Variants in ADAMTSL1 observed in about 807,000 individuals in gnomAD.
ADAMTSL1 encodes ADAMTS like 1.
ADAMTSL1 carries 126 observed loss-of-function variants against 201.8 expected under a neutral mutation model. That is an observed-to-expected ratio of 0.62 (90% confidence interval 0.54 to 0.72). The LOEUF is 0.72. Among genes scored for constraint, ADAMTSL1 ranks in the 30% least tolerant of loss-of-function variants. The probability of loss-of-function intolerance (pLI) is 0.00; values close to 1 mark genes in which losing one functional copy is unlikely to be tolerated. For missense variants in ADAMTSL1, 2,679 were observed against 2,277.8 expected (o/e 1.18, Z -3.59); for synonymous variants, 1,121 against 903.4 (o/e 1.24, Z -4.32).
intron 2 of ADAMTSL1, among the ~76,000 whole-genome samples, chr9:18,520,557 G>C (rs1023339201): frequency 6.6e-6 from 1 of 152,202 alleles, no homozygotes; most frequent in Non-Finnish European, 1.5e-5. Flanking sequence ...CCTCTGATCA[G>C]TTTAAAATTG....
intron 19 of ADAMTSL1, among the ~76,000 whole-genome samples, chr9:18,784,943 A>T (rs776941916): frequency 1.4e-4 from 21 of 152,210 alleles, no homozygotes; most frequent in Admixed American, 2.6e-4. Context: ...AGGTGGGCAG[A>T]TCACGAGGTC....
At chr9:18,541,687 G>A (rs576711223) in intron 3 of ADAMTSL1, among the ~76,000 whole-genome samples, 6 of 152,236 alleles carry the variant, frequency 3.9e-5, no homozygotes, top group Non-Finnish European at 5.9e-5. Flanking sequence ...GCTTTCAAAC[G>A]CGTTTATTAA....
intron 23 of ADAMTSL1, among the ~76,000 whole-genome samples, chr9:18,846,250 G>C (rs1408778515): frequency 6.6e-6 from 1 of 152,112 alleles, no homozygotes; most frequent in Non-Finnish European, 1.5e-5. Context: ...GAGTCTGATG[G>C]GAAAGTTCAA....
intron 1 of ADAMTSL1, among the ~76,000 whole-genome samples, chr9:18,048,524 G>A (rs1294488703): frequency 6.6e-6 from 1 of 152,126 alleles, no homozygotes; most frequent in Non-Finnish European, 1.5e-5. Flanking sequence ...TTCACATATT[G>A]CATAACATGT....
chr9:18,446,150 A>T (rs540865846), intron 2 of ADAMTSL1, among the ~76,000 whole-genome samples: 1 of 152,306 alleles, frequency 6.6e-6, no homozygotes, highest in Admixed American at 6.5e-5. Flanking sequence ...AGGTAGAGGT[A>T]TAAATGTCTT....
At chr9:18,248,479 T>C (rs1317426797) in intron 2 of ADAMTSL1, among the ~76,000 whole-genome samples, 1 of 151,992 alleles carries the variant, frequency 6.6e-6, no homozygotes, top group Non-Finnish European at 1.5e-5. Flanking sequence ...ATTTGAGAAA[T>C]ACTAAGTCTG....
intron 23 of ADAMTSL1, among the ~76,000 whole-genome samples, chr9:18,853,177 G>A (rs1826608734): frequency 6.6e-6 from 1 of 152,156 alleles, no homozygotes; most frequent in African/African-American, 2.4e-5. Flanking sequence ...GATTAGACAG[G>A]CCAAGACAGG....
intron 2 of ADAMTSL1, among the ~76,000 whole-genome samples, chr9:18,365,706 G>C (rs958329987): frequency 2.0e-5 from 3 of 152,080 alleles, no homozygotes; most frequent in African/African-American, 7.2e-5. Context: ...AAGAAAATGG[G>C]GGAGCACGAT....
chr9:18,574,663 G>A, intron 4 of ADAMTSL1: 1 of 287,554 alleles, frequency 3.5e-6, no homozygotes. Context: ...GAATAAATCA[G>A]GTAAGACCAA....
chr9:18,674,708 C>T (rs945279039), intron 9 of ADAMTSL1, among the ~76,000 whole-genome samples: 1 of 152,024 alleles, frequency 6.6e-6, no homozygotes, highest in Non-Finnish European at 1.5e-5. Flanking sequence ...TAAATAGATG[C>T]ATCCATCTAT....
chr9:18,894,674 T>TGAGA (rs1178750492), intron 26 of ADAMTSL1, among the ~76,000 whole-genome samples: 2 of 152,184 alleles, frequency 1.3e-5, no homozygotes, highest in Non-Finnish European at 2.9e-5. Context: ...ATGTTTAGTA[T>TGAGA]GAGATATCTA....
At chr9:18,607,562 C>T (rs1825103329) in intron 4 of ADAMTSL1, among the ~76,000 whole-genome samples, 1 of 141,822 alleles carries the variant, frequency 7.1e-6, no homozygotes, top group Non-Finnish European at 1.5e-5. Flanking sequence ...GCAGCATTTT[C>T]ATAATTTCTT....
chr9:18,377,692 A>G (rs1837361736), intron 2 of ADAMTSL1, among the ~76,000 whole-genome samples: 1 of 152,002 alleles, frequency 6.6e-6, no homozygotes, highest in Admixed American at 6.6e-5. Context: ...TGAGCCTCCC[A>G]AGTAGCTGGG....
At chr9:18,206,488 C>T (rs548632872) in intron 2 of ADAMTSL1, among the ~76,000 whole-genome samples, 1 of 152,162 alleles carries the variant, frequency 6.6e-6, no homozygotes, top group East Asian at 1.9e-4. Flanking sequence ...TCATTGAGTT[C>T]TCATGACCCC....
At chr9:17,954,778 A>T (rs1328377135) in intron 1 of ADAMTSL1, among the ~76,000 whole-genome samples, 3 of 152,186 alleles carry the variant, frequency 2.0e-5, no homozygotes, top group Non-Finnish European at 4.4e-5. Flanking sequence ...AAAAAAAATT[A>T]AACACAGTTA....
At chr9:18,677,360 T>G (rs945687061) in intron 10 of ADAMTSL1, among the ~76,000 whole-genome samples, 5 of 152,016 alleles carry the variant, frequency 3.3e-5, no homozygotes, top group Non-Finnish European at 7.4e-5. Flanking sequence ...GAAAAAATAA[T>G]GAAATAGCAA....
intron 1 of ADAMTSL1, 119 bp downstream of exon 1, chr9:18,474,414 A>G (rs1821349705): frequency 2.0e-6 from 2 of 996,492 alleles, no homozygotes; most frequent in Non-Finnish European, 3.1e-6. Flanking sequence ...AACTCCAGGT[A>G]AAATAATTTA....
intron 2 of ADAMTSL1, among the ~76,000 whole-genome samples, chr9:18,194,927 T>C (rs1829114878): frequency 6.6e-6 from 1 of 152,112 alleles, no homozygotes; most frequent in Non-Finnish European, 1.5e-5. Context: ...GATACATCTT[T>C]TCAGAAGTTA....
intron 1 of ADAMTSL1, among the ~76,000 whole-genome samples, chr9:17,970,399 C>G (rs1288159419): frequency 6.6e-6 from 1 of 151,916 alleles, no homozygotes; most frequent in Non-Finnish European, 1.5e-5. Context: ...TGTCTAAAAC[C>G]CTTGGATGAC....
Sources: allele counts gnomAD v4.1 joint callset (sites outside exome capture counted in the v4.1 genomes callset), GRCh38; gene constraint gnomAD v4.1.1; transcripts MANE v1.5; gene names NCBI Gene and HGNC (gene_info 2026-07-23, HGNC 2026-07-21).